The following RBFOX1 variants were observed in gnomAD, a reference collection of about 807,000 sequenced individuals.
The protein encoded by RBFOX1 is RNA binding protein fox-1 homolog 1.
Under a neutral mutation model 57.7 loss-of-function variants are expected in RBFOX1, and 8 were observed. That is an observed-to-expected ratio of 0.14 (90% CI 0.08 to 0.25). The LOEUF is 0.25. RBFOX1 is among the 10% of genes least tolerant of loss of function. The pLI is 1.00. For synonymous variants in RBFOX1, 326 were observed against 222.4 expected (o/e 1.47, Z -4.15); for missense variants, 611 against 548.5 (o/e 1.11, Z -1.14).
chr16:6,194,877 G>T (rs1049371092), intron 1 of RBFOX1, among the ~76,000 whole-genome samples: 5 of 152,182 alleles, frequency 3.3e-5, no homozygotes, highest in African/African-American at 1.2e-4. Context: ...TGTACTAGGT[G>T]CTTAATATCT....
At chr16:5,251,090 G>T (rs2062438406) in intron 1 of RBFOX1, among the ~76,000 whole-genome samples, 1 of 151,674 alleles carries the variant, frequency 6.6e-6, no homozygotes, top group African/African-American at 2.4e-5. Flanking sequence ...GGGGGTCCCA[G>T]CCCCTACCCA....
At chr16:5,745,684 G>T (rs973051101) in intron 3 of RBFOX1, among the ~76,000 whole-genome samples, 1 of 152,176 alleles carries the variant, frequency 6.6e-6, no homozygotes, top group African/African-American at 2.4e-5. Context: ...GCATTTCTCT[G>T]ATGGCCAGTG....
chr16:6,781,298 G>A (rs545980548), intron 3 of RBFOX1, among the ~76,000 whole-genome samples: 1 of 152,050 alleles, frequency 6.6e-6, no homozygotes, highest in African/African-American at 2.4e-5. Flanking sequence ...CATGATGAAT[G>A]ATCTTTTTAA....
intron 2 of RBFOX1, among the ~76,000 whole-genome samples, chr16:6,575,430 T>C (rs1266339916): frequency 6.6e-6 from 1 of 152,202 alleles, no homozygotes; most frequent in African/African-American, 2.4e-5. Flanking sequence ...CATGAGCTGA[T>C]TGATACAAAC....
chr16:7,097,175 G>A (rs576703133), intron 4 of RBFOX1, among the ~76,000 whole-genome samples: 1 of 152,138 alleles, frequency 6.6e-6, no homozygotes, highest in African/African-American at 2.4e-5. Flanking sequence ...ACTTTTCCAA[G>A]AAGGTGTCTT....
At chr16:5,815,557 C>G (rs953097529) in intron 3 of RBFOX1, among the ~76,000 whole-genome samples, 1 of 152,140 alleles carries the variant, frequency 6.6e-6, no homozygotes, top group Non-Finnish European at 1.5e-5. Context: ...AGTCCATCTC[C>G]TTCTCTCCAG....
chr16:6,805,119 T>G (rs978996359), intron 3 of RBFOX1, among the ~76,000 whole-genome samples: 5 of 152,068 alleles, frequency 3.3e-5, no homozygotes, highest in African/African-American at 1.2e-4. Context: ...TTACTCACAA[T>G]AGCAAAGATA....
intron 3 of RBFOX1, among the ~76,000 whole-genome samples, chr16:5,640,444 C>T (rs561439512): frequency 6.6e-6 from 1 of 152,054 alleles, no homozygotes; most frequent in South Asian, 2.1e-4. Flanking sequence ...CACATGAACA[C>T]CATGCATACA....
At chr16:6,892,303 A>G (rs1218298657) in intron 3 of RBFOX1, among the ~76,000 whole-genome samples, 1 of 152,220 alleles carries the variant, frequency 6.6e-6, no homozygotes, top group Non-Finnish European at 1.5e-5. Context: ...ACCGTAAAGT[A>G]CTGGATCTCT....
Position 7,447,149 on chromosome 16 carries a change from C to A in RBFOX1, c.28-70998C>A, listed in dbSNP as rs190185944. Among the ~76,000 whole-genome samples the A allele has an allele frequency of 6.7e-3, 1,016 of 151,918 alleles. 9 individuals carry two copies. Among genetic ancestry groups the A allele is most frequent in the African/African-American group, 0.022 (931 of 41,434 alleles). ...TGGGTTTTATGAGATGTGACACTTA[C>A]AGAATTTGGGAGCCCTCCGTAAGAA... On this transcript the variant is annotated intron_variant, in intron 4 of 15. Transcript: ENST00000550418.
At chr16:6,705,000 T>C (rs926141956) in intron 3 of RBFOX1, 1 of 152,200 alleles carries the variant, frequency 6.6e-6, no homozygotes, top group Non-Finnish European at 1.5e-5. Flanking sequence ...ATTTTTTAAC[T>C]TTAATCCGGA....
chr16:5,783,214 G>C (rs866338924), intron 3 of RBFOX1, among the ~76,000 whole-genome samples: 12 of 152,160 alleles, frequency 7.9e-5, no homozygotes, highest in South Asian at 2.1e-4. Context: ...TTCGGCTCTT[G>C]AAGATACAGT....
intron 1 of RBFOX1, among the ~76,000 whole-genome samples, chr16:5,296,242 T>A (rs1200514375): frequency 1.3e-5 from 2 of 152,230 alleles, no homozygotes; most frequent in Non-Finnish European, 2.9e-5. Context: ...AAAAGCAGCA[T>A]CTGCATCTGT....
intron 3 of RBFOX1, among the ~76,000 whole-genome samples, chr16:6,899,941 G>T (rs77707136): frequency 1.2e-4 from 19 of 152,214 alleles, no homozygotes; most frequent in Admixed American, 3.3e-4. Context: ...ACTATGTTTA[G>T]TCTTAATAGC....
chr16:6,308,989 T>C (rs142397484), intron 1 of RBFOX1, among the ~76,000 whole-genome samples: 66 of 152,176 alleles, frequency 4.3e-4, no homozygotes, highest in African/African-American at 1.5e-3. Context: ...CTTGATGATA[T>C]TTCCCAGCTG....
chr16:5,448,884 T>A (rs900677048), intron 1 of RBFOX1, among the ~76,000 whole-genome samples: 1 of 152,152 alleles, frequency 6.6e-6, no homozygotes, highest in African/African-American at 2.4e-5. Context: ...AAAGCTGGCA[T>A]GATCCGCCTG....
intron 2 of RBFOX1, among the ~76,000 whole-genome samples, chr16:5,582,197 C>T (rs2046690283): frequency 6.6e-6 from 1 of 152,190 alleles, no homozygotes; most frequent in Admixed American, 6.5e-5. Flanking sequence ...CATGAGGTTG[C>T]ACCACAGGAA....
chr16:5,698,799 C>A (rs1029960838), intron 3 of RBFOX1, among the ~76,000 whole-genome samples: 1 of 152,106 alleles, frequency 6.6e-6, no homozygotes, highest in Non-Finnish European at 1.5e-5. Flanking sequence ...ATAGGCTACA[C>A]CATGAATGAA....
At chr16:6,268,285 G>T (rs1201368448) in intron 1 of RBFOX1, among the ~76,000 whole-genome samples, 2 of 152,164 alleles carry the variant, frequency 1.3e-5, no homozygotes, top group Non-Finnish European at 2.9e-5. Context: ...CTGCTAGCAG[G>T]TATGGAGCAG....
Sources: allele counts gnomAD v4.1 joint callset (sites outside exome capture counted in the v4.1 genomes callset), GRCh38; gene constraint gnomAD v4.1.1; transcripts MANE v1.5; gene names NCBI Gene and HGNC (gene_info 2026-07-23, HGNC 2026-07-21).